Variants in RARB observed in about 807,000 individuals in gnomAD.
RARB encodes the protein retinoic acid receptor beta, also known as HBV-activated protein.
Under a neutral mutation model 51.9 loss-of-function variants are expected in RARB, and 17 were observed. The ratio of observed to expected loss-of-function variants is 0.33; its 90% confidence interval spans 0.22 to 0.49. RARB has a LOEUF of 0.49. Ranked by LOEUF, RARB falls within the 20% of genes least tolerant of loss-of-function variation. The probability of loss-of-function intolerance (pLI) is 0.99; values close to 1 mark genes in which losing one functional copy is unlikely to be tolerated. For synonymous variants in RARB, 215 were observed against 195.4 expected (o/e 1.10, Z -0.84); for missense variants, 369 against 550.8 (o/e 0.67, Z 3.30).
At position 25,266,731 on chromosome 3, in the gene RARB, T is replaced by A. The variant is rs73151298; in HGVS notation, c.178+92156T>A. 3.4e-3 allele frequency among the ~76,000 whole-genome samples: 525 copies of A among 152,272 alleles called. 2 individuals are homozygous for A. Among genetic ancestry groups the A allele is most frequent in the African/African-American group, 0.012 (489 of 41,562 alleles). The stretch of plus-strand genomic sequence containing the variant: ...GAGGTCATAAGGCTGGAGACTTATC[T>A]GATAGAACTGGTGTCCTTTTAAAAG... On this transcript the variant is annotated intron_variant, in intron 5 of 11. Coordinates refer to the RARB transcript ENST00000383772.
At chr3:25,362,662 T>A (rs11714481) in intron 5 of RARB, among the ~76,000 whole-genome samples, 12,503 of 152,260 alleles carry the variant, frequency 0.082, 722 homozygotes, top group South Asian at 0.19. Context: ...AAGCATAGTA[T>A]CTGGGCAGGA....
intron 3 of RARB, among the ~76,000 whole-genome samples, chr3:25,565,945 A>C (rs1700476268): frequency 6.6e-6 from 1 of 152,172 alleles, no homozygotes; most frequent in Non-Finnish European, 1.5e-5. Context: ...CACTAGTTCC[A>C]GATCTCCTGA....
chr3:25,380,763 T>G (rs1299070203), intron 5 of RARB, among the ~76,000 whole-genome samples: 1 of 152,240 alleles, frequency 6.6e-6, no homozygotes, highest in Non-Finnish European at 1.5e-5. Flanking sequence ...TAGTAGCATC[T>G]TTCGTCTCCC....
At chr3:24,890,435 C>A (rs1346451418) in intron 2 of RARB, among the ~76,000 whole-genome samples, 4 of 152,148 alleles carry the variant, frequency 2.6e-5, no homozygotes, top group African/African-American at 9.7e-5. Context: ...ACTTATTTCA[C>A]GAGCGGCACC....
At chr3:25,531,313 A>G (rs1436261790) in intron 3 of RARB, among the ~76,000 whole-genome samples, 3 of 152,186 alleles carry the variant, frequency 2.0e-5, no homozygotes, top group Non-Finnish European at 2.9e-5. Context: ...GTTGGAAGTC[A>G]GGGCAGGACA....
At chr3:25,172,340 G>A (rs1032095916) in intron 4 of RARB, among the ~76,000 whole-genome samples, 14 of 152,142 alleles carry the variant, frequency 9.2e-5, no homozygotes, top group Admixed American at 1.3e-4. Context: ...TTCTGGCTTA[G>A]CGAGGGCTTA....
At chr3:24,959,431 G>A (rs868725174) in intron 2 of RARB, among the ~76,000 whole-genome samples, 17 of 152,134 alleles carry the variant, frequency 1.1e-4, no homozygotes, top group Admixed American at 2.0e-4. Context: ...ACTTCTCTCC[G>A]GTGTTCAGCT....
At chr3:24,900,743 T>A (rs1354306889) in intron 2 of RARB, among the ~76,000 whole-genome samples, 1 of 152,226 alleles carries the variant, frequency 6.6e-6, no homozygotes, top group African/African-American at 2.4e-5. Flanking sequence ...ACTTCTTAGA[T>A]GTTGCTAAGC....
intron 5 of RARB, among the ~76,000 whole-genome samples, chr3:25,593,249 T>C (rs1701684847): frequency 6.6e-6 from 1 of 152,124 alleles, no homozygotes; most frequent in South Asian, 2.1e-4. Flanking sequence ...AGTCAAGTAA[T>C]GAATTACTTT....
chr3:24,933,560 G>A (rs771708782), intron 2 of RARB, among the ~76,000 whole-genome samples: 81 of 152,070 alleles, frequency 5.3e-4, no homozygotes, highest in Non-Finnish European at 7.9e-4. Flanking sequence ...ACGCAGTAAG[G>A]GCTTATGGGC....
chr3:24,905,982 TC>T (rs1261758708), intron 2 of RARB, among the ~76,000 whole-genome samples: 1 of 152,220 alleles, frequency 6.6e-6, no homozygotes, highest in East Asian at 1.9e-4. Flanking sequence ...ATTGACTTTT[TC>T]TAGTCTGTTA....
At chr3:25,584,702 G>A (rs1425627108) in intron 5 of RARB, among the ~76,000 whole-genome samples, 1 of 152,162 alleles carries the variant, frequency 6.6e-6, no homozygotes, top group Non-Finnish European at 1.5e-5. Context: ...GTATCCTATA[G>A]AGTCACTGGG....
intron 5 of RARB, among the ~76,000 whole-genome samples, chr3:25,329,431 C>A (rs2125444118): frequency 6.6e-6 from 1 of 152,296 alleles, no homozygotes; most frequent in Non-Finnish European, 1.5e-5. Flanking sequence ...TCCAACAGAC[C>A]TGCAGCTGAG....
At chr3:25,052,223 A>T (rs1361790162) in intron 2 of RARB, among the ~76,000 whole-genome samples, 1 of 152,192 alleles carries the variant, frequency 6.6e-6, no homozygotes, top group East Asian at 1.9e-4. Flanking sequence ...TAAAGCCCTT[A>T]TTATCACAAT....
rs1413825514 is a variant in RARB, at chr3:25,146,499, G to GTT, written c.-280+14293_-280+14294dup. On this transcript the variant is annotated intron_variant, in intron 4 of 11. Coordinates refer to the RARB transcript ENST00000383772. The stretch of plus-strand genomic sequence containing the variant: ...CAGGCTATAATTTGCTAAGTTTTTT[G>GTT]TTTGTTTGTTTGTTTTTTTTTTTTT... Among the ~76,000 whole-genome samples, 238 of 104,390 alleles carry GTT rather than the reference G, an allele frequency of 2.3e-3. 17 individuals are homozygous for GTT. Among genetic ancestry groups the GTT allele is most frequent in the East Asian group, 4.9e-3 (15 of 3,068 alleles). The allele number at this position is 104,390 out of a possible 152,430, so 68.5% of individuals were successfully genotyped here. A position where few individuals can be genotyped will look rare whatever the true frequency, so the allele number is the denominator to read the frequency against.
At chr3:25,362,075 C>T (rs1230788126) in intron 5 of RARB, among the ~76,000 whole-genome samples, 1 of 152,142 alleles carries the variant, frequency 6.6e-6, no homozygotes, top group Non-Finnish European at 1.5e-5. Context: ...TGAAGCTGCA[C>T]CCACAGCCGC....
chr3:24,866,100 A>G (rs1304050934), intron 2 of RARB, among the ~76,000 whole-genome samples: 1 of 152,082 alleles, frequency 6.6e-6, no homozygotes, highest in Non-Finnish European at 1.5e-5. Flanking sequence ...CAATCTGAGG[A>G]ATGCTGGCCC....
chr3:25,053,969 T>G (rs1461198406), intron 2 of RARB, among the ~76,000 whole-genome samples: 2 of 152,152 alleles, frequency 1.3e-5, no homozygotes, highest in Admixed American at 1.3e-4. Flanking sequence ...CCTACAGATA[T>G]GGCTTGTGCT....
rs573622279 is a variant in RARB at position 25,239,172 on chromosome 3, G to A, written c.178+64597G>A. Among the ~76,000 whole-genome samples the A allele has an allele frequency of 5.3e-5, 8 of 152,234 alleles. No homozygotes were observed. The East Asian group carries it at 1.5e-3, about 29-fold the overall frequency. On this transcript the variant is annotated intron_variant, in intron 5 of 11. Coordinates refer to the RARB transcript ENST00000383772. Reference sequence around the variant, plus strand: ...TGGGATTGTTTATTACTATTAAATTGTTTGAGTTCCTTGTATATTCTGGAT... The same window carrying A: ...TGGGATTGTTTATTACTATTAAATTATTTGAGTTCCTTGTATATTCTGGAT...
Sources: gnomAD v4.1 joint callset for allele counts (sites outside exome capture counted in the v4.1 genomes callset) on GRCh38, gnomAD v4.1.1 for gene constraint, MANE v1.5 for transcripts, NCBI Gene and HGNC (gene_info 2026-07-23, HGNC 2026-07-21) for gene names.